Variants in CRHR2 observed in about 807,000 individuals in gnomAD.
CRHR2 encodes corticotropin-releasing hormone receptor 2.
A neutral mutation model predicts 57.9 loss-of-function variants in CRHR2; 53 were observed. The ratio of observed to expected loss-of-function variants is 0.92; its 90% CI spans 0.73 to 1.15. The LOEUF (loss-of-function observed/expected upper bound fraction) is 1.15, where lower values mean the gene tolerates loss of function less well. Ranked by LOEUF, CRHR2 falls within the 50% of genes most tolerant of loss-of-function variation. The probability of loss-of-function intolerance (pLI) is 0.00; values close to 1 mark genes in which losing one functional copy is unlikely to be tolerated. For synonymous variants in CRHR2, 213 were observed against 220.9 expected, an observed-to-expected ratio of 0.96 and a Z score of 0.32; for missense variants, 532 against 542.6, an observed-to-expected ratio of 0.98 and a Z score of 0.19.
chr7:30,668,643 G>A (rs539216403), intron 2 of CRHR2, among the ~76,000 whole-genome samples: 2 of 152,320 alleles, frequency 1.3e-5, no homozygotes, highest in South Asian at 2.1e-4. Flanking sequence ...TGGAAGCAAT[G>A]GAATTGGGAA....
At chr7:30,659,100 AG>A (rs1392996675) in intron 8 of CRHR2, among the ~76,000 whole-genome samples, 1 of 152,202 alleles carries the variant, frequency 6.6e-6, no homozygotes, top group African/African-American at 2.4e-5. Context: ...TGAGCATGCA[AG>A]GGTTGGAAAT....
intron 2 of CRHR2, among the ~76,000 whole-genome samples, chr7:30,679,184 G>A (rs764704883): frequency 2.9e-4 from 44 of 152,214 alleles, no homozygotes; most frequent in Non-Finnish European, 5.7e-4. Context: ...GTCCCCAGAA[G>A]TCCAGCTCAG....
chr7:30,698,837 A>G (rs1362669276), intron 1 of CRHR2, among the ~76,000 whole-genome samples: 2 of 152,210 alleles, frequency 1.3e-5, no homozygotes, highest in African/African-American at 4.8e-5. Context: ...TCCTCACAAC[A>G]AGCTTGTTCA....
chr7:30,655,556 C>G, intron 10 of CRHR2, 24 bp downstream of exon 10: 1 of 1,600,026 alleles, frequency 6.2e-7, no homozygotes, highest in Admixed American at 1.7e-5. Context: ...CACTGTGGGG[C>G]CCCCATCTGG....
intron 1 of CRHR2, chr7:30,697,925 C>G (rs1785089634): frequency 6.6e-6 from 1 of 152,416 alleles, no homozygotes; most frequent in Admixed American, 6.5e-5. Flanking sequence ...AGACTCCTTT[C>G]TTTCCTGCCA....
At chr7:30,662,130 C>G in intron 7 of CRHR2, 26 bp downstream of exon 7, 1 of 1,612,986 alleles carries the variant, frequency 6.2e-7, no homozygotes, top group Non-Finnish European at 8.5e-7. Flanking sequence ...TCCCCATGAC[C>G]CCCCATGGCT....
At chr7:30,663,855 T>G (rs1354734048) in intron 5 of CRHR2, among the ~76,000 whole-genome samples, 1 of 152,226 alleles carries the variant, frequency 6.6e-6, no homozygotes, top group Non-Finnish European at 1.5e-5. Flanking sequence ...GAGCTGTGCG[T>G]CAGGGGCTCT....
chr7:30,677,818 C>G (rs1322216394), intron 2 of CRHR2, among the ~76,000 whole-genome samples: 1 of 146,600 alleles, frequency 6.8e-6, no homozygotes, highest in Admixed American at 6.9e-5. Flanking sequence ...GCCTATACTC[C>G]CAGCACTTTG....
At chr7:30,675,272 G>A (rs1234670049) in intron 2 of CRHR2, among the ~76,000 whole-genome samples, 2 of 152,218 alleles carry the variant, frequency 1.3e-5, no homozygotes, top group Non-Finnish European at 2.9e-5. Flanking sequence ...CACTGAGATG[G>A]GGCTCCTCCT....
At position 30,662,196 on chromosome 7, in the gene CRHR2, C is replaced by T. The variant is rs8192498; in HGVS notation, c.718G>A (p.Val240Ile). ...IGWCIPFPII[V>I]AWAIGKLYYE... is the part of the protein sequence containing the mutation. ...TAGAGCTTGCCGATGGCCCAGGCGA[C>T]GATGATGGGGAAGGGGATGCCTGAA... The change falls in exon 7 of 12, where the codon GTC becomes ATC. Residue 240 changes from valine (V) to isoleucine (I), a missense_variant. Physicochemically the swap from Val to Ile is conservative, Grantham distance 29. Transcript: ENST00000471646. 0.011 allele frequency: 17,685 copies of T among 1,613,956 alleles called. 155 individuals carry two copies. Among genetic ancestry groups the T allele is most frequent in the Middle Eastern group, 0.035 (215 of 6,062 alleles).
intron 7 of CRHR2, among the ~76,000 whole-genome samples, chr7:30,661,566 G>A (rs1784001617): frequency 6.6e-6 from 1 of 152,126 alleles, no homozygotes; most frequent in South Asian, 2.1e-4. Context: ...TTGGAGATTT[G>A]CATACAGGCT....
chr7:30,672,046 A>G (rs1025035673), intron 2 of CRHR2, among the ~76,000 whole-genome samples: 6 of 152,348 alleles, frequency 3.9e-5, no homozygotes, highest in East Asian at 1.9e-4. Context: ...GCACAACTCC[A>G]TTCTTCATCC....
intron 1 of CRHR2, among the ~76,000 whole-genome samples, chr7:30,691,089 G>A (rs1784953375): frequency 1.3e-5 from 2 of 152,206 alleles, no homozygotes. Context: ...CAGGGGTTGG[G>A]GGGCTGGGGA....
In CRHR2 at chr7:30,653,379, C is replaced by G. The variant is rs543221809; in HGVS notation, c.*81G>C. ...CTCTCCCCTCCCATCTCCTGCCCCACGAGAGCCTGCCCAGCACAGAGAACC... is the reference window on the plus strand; with the variant it reads ...CTCTCCCCTCCCATCTCCTGCCCCAGGAGAGCCTGCCCAGCACAGAGAACC... On this transcript the variant is annotated 3_prime_UTR_variant, in exon 12 of 12. Transcript: ENST00000471646. This position sits in a 1 kb window ranked among gnomAD's most constrained non-coding sequence, Gnocchi z 5.0. 1.3e-5 allele frequency: 20 copies of G among 1,539,634 alleles called. 1 individual carries two copies. The highest frequency in any genetic ancestry group is 9.6e-5 in the African/African-American group (7 of 73,036).
At chr7:30,654,793 C>T in intron 11 of CRHR2, 2 of 1,537,694 alleles carry the variant, frequency 1.3e-6, no homozygotes, top group Admixed American at 2.0e-5. Context: ...GCCTGGGCTT[C>T]CTTGCTCACC....
At chr7:30,677,533 C>A (rs891117646) in intron 2 of CRHR2, among the ~76,000 whole-genome samples, 2 of 152,204 alleles carry the variant, frequency 1.3e-5, no homozygotes, top group African/African-American at 4.8e-5. Flanking sequence ...TTTCTAGCCA[C>A]CCAGGATTTG....
intron 1 of CRHR2, among the ~76,000 whole-genome samples, chr7:30,691,449 G>T (rs901150139): frequency 6.6e-6 from 1 of 152,120 alleles, no homozygotes; most frequent in Non-Finnish European, 1.5e-5. Context: ...ACTTTACCGG[G>T]GTTTCTGACA....
chr7:30,688,869 G>C (rs1584139105), intron 2 of CRHR2: 2 of 498,360 alleles, frequency 4.0e-6, no homozygotes, highest in African/African-American at 3.9e-5. Flanking sequence ...CCTTCTGCCA[G>C]TTTCCCTGGA....
At chr7:30,669,731 G>A (rs187412095) in intron 2 of CRHR2, among the ~76,000 whole-genome samples, 1 of 152,194 alleles carries the variant, frequency 6.6e-6, no homozygotes, top group Non-Finnish European at 1.5e-5. Context: ...GCCATCAGTG[G>A]CTCTTTATTG....
Sources: gnomAD v4.1 joint callset for allele counts (sites outside exome capture counted in the v4.1 genomes callset) on GRCh38, gnomAD v4.1.1 for gene constraint, Gnocchi (gnomAD v3.1) non-coding constraint, MANE v1.5 for transcripts, NCBI Gene and HGNC (gene_info 2026-07-23, HGNC 2026-07-21) for gene names.